ZGPAT: variants seen among roughly 807,000 people sequenced by gnomAD.
ZGPAT encodes the protein zinc finger CCCH-type with G patch domain-containing protein.
A neutral mutation model predicts 47.9 loss-of-function variants in ZGPAT; 39 were observed. The observed-to-expected ratio is 0.81, with a 90% confidence interval of 0.63 to 1.06. The LOEUF is 1.06. ZGPAT is among the 50% of genes least tolerant of loss of function. The pLI is 0.00. For synonymous variants in ZGPAT, 348 were observed against 292.9 expected (o/e 1.19, Z -1.92); for missense variants, 717 against 681.4 (o/e 1.05, Z -0.58).
chr20:63,711,410 G>A (rs2091666484), intron 2 of ZGPAT, among the ~76,000 whole-genome samples: 1 of 152,160 alleles, frequency 6.6e-6, no homozygotes, highest in Non-Finnish European at 1.5e-5. Context: ...AGGAGTAGAA[G>A]AACTGAGTGG....
intron 2 of ZGPAT, among the ~76,000 whole-genome samples, chr20:63,729,415 T>G (rs1183980774): frequency 2.0e-5 from 3 of 152,226 alleles, no homozygotes; most frequent in Non-Finnish European, 2.9e-5. Flanking sequence ...GTTTTCAGGG[T>G]TAAGTCTTTA....
At position 63,716,122 on chromosome 20, in the gene ZGPAT, C is replaced by G. The variant is rs571377911; in HGVS notation, c.584+6958C>G. On this transcript the variant is annotated intron_variant, in intron 2 of 6. Coordinates refer to ENST00000355969, the MANE Select transcript of ZGPAT (RefSeq NM_181485.3). ...TTGGCTCACTGCAACTTCTACCTCC[C>G]GAGTTCAAGTGATTCTCCCACCTCA... 1.8e-4 allele frequency among the ~76,000 whole-genome samples: 27 copies of G among 152,160 alleles called. No homozygotes were observed. In the East Asian group the frequency reaches 5.0e-3, roughly 28 times the overall value.
rs987878223 is a variant in ZGPAT at position 63,735,182 on chromosome 20, C to G, written c.1015C>G (p.Arg339Gly). 5 of 1,524,816 alleles carry G rather than the reference C, an allele frequency of 3.3e-6. No individual in the cohort carries two copies. Among genetic ancestry groups the G allele is most frequent in the Non-Finnish European group, 4.4e-6 (5 of 1,136,348 alleles). The allele number at this position is 1,524,816 out of a possible 1,614,324, so 94.5% of individuals were successfully genotyped here. Residue 339 changes from arginine to glycine, a missense_variant, in exon 6 of 7, where the codon CGG becomes GGG. Coordinates refer to ENST00000355969, the MANE Select transcript of ZGPAT (RefSeq NM_181485.3). ...GKGLGRHAEG[R>G]VEPIHAVVLP... ...AGGTTTGGGCCGACACGCGGAAGGC[C>G]GGGTGGAGCCCATCCATGCTGTGGT...
chr20:63,708,893 C>G lies in ZGPAT; in HGVS notation c.313C>G (p.Pro105Ala), dbSNP rs766969464. Reference protein sequence around the residue: ...AARGSGSETVPKAEAGPESAA... With the variant: ...AARGSGSETVAKAEAGPESAA... ...CCGTGGGTCCGGATCAGAGACCGTT[C>G]CTAAAGCAGAGGCGGGGCCAGAATC... is the stretch of plus-strand genomic sequence containing the variant. The change falls in exon 2 of 7, where the codon CCT (proline) becomes GCT (alanine). Residue 105 changes from proline to alanine, a missense_variant. Coordinates refer to ENST00000355969, the MANE Select transcript of ZGPAT (RefSeq NM_181485.3). The G allele has an allele frequency of 6.2e-7, 1 of 1,612,362 alleles. No homozygotes were observed. The highest frequency in any genetic ancestry group is 8.5e-7 in the Non-Finnish European group (1 of 1,179,566).
chr20:63,714,838 C>T (rs1021807992), intron 2 of ZGPAT, among the ~76,000 whole-genome samples: 1 of 151,740 alleles, frequency 6.6e-6, no homozygotes, highest in Non-Finnish European at 1.5e-5. Context: ...GAGGTAGGGT[C>T]CTGCTTTGCT....
chr20:63,726,204 A>AT (rs35108552), intron 2 of ZGPAT, among the ~76,000 whole-genome samples: 2,631 of 146,020 alleles, frequency 0.018, 91 homozygotes, highest in African/African-American at 0.057. Context: ...CATCTAATTA[A>AT]TTTTTTTTTT....
chr20:63,710,159 CTT>C (rs917583273), intron 2 of ZGPAT, among the ~76,000 whole-genome samples: 1 of 138,370 alleles, frequency 7.2e-6, no homozygotes, highest in African/African-American at 2.7e-5. Flanking sequence ...CGCGCCTGGC[CTT>C]TTTTTTTTGG....
intron 2 of ZGPAT, among the ~76,000 whole-genome samples, chr20:63,732,379 C>T (rs941257837): frequency 4.4e-5 from 6 of 137,818 alleles, no homozygotes; most frequent in African/African-American, 8.5e-5. Flanking sequence ...TGTGTGTGCG[C>T]GCATGTGTGT....
chr20:63,728,654 G>A (rs796822264), intron 2 of ZGPAT, among the ~76,000 whole-genome samples: 24 of 152,336 alleles, frequency 1.6e-4, no homozygotes, highest in African/African-American at 5.8e-4. Flanking sequence ...CTGGCCCAGT[G>A]CTCACTCCAG....
intron 2 of ZGPAT, among the ~76,000 whole-genome samples, chr20:63,731,799 G>A (rs1292993843): frequency 6.6e-6 from 1 of 152,148 alleles, no homozygotes; most frequent in Non-Finnish European, 1.5e-5. Context: ...AACCAATCTC[G>A]AGTTGAAAAT....
rs966648807 is a variant in ZGPAT at position 63,713,526 on chromosome 20, C to T, written c.584+4362C>T. ...GATTACAGATGTGAGCCACTGTGCC[C>T]GGCTGGAGTTGTTTTCCTTAGTTAC... On this transcript the variant is annotated intron_variant, in intron 2 of 6. Coordinates refer to ENST00000355969, the MANE Select transcript of ZGPAT (RefSeq NM_181485.3). 7.3e-5 allele frequency among the ~76,000 whole-genome samples: 11 copies of T among 151,192 alleles called. No individual in the cohort carries two copies. In the East Asian group the frequency reaches 9.9e-4, roughly 14 times the overall value.
chr20:63,729,034 CTT>C (rs1054928363), intron 2 of ZGPAT, among the ~76,000 whole-genome samples: 20 of 139,470 alleles, frequency 1.4e-4, no homozygotes, highest in Non-Finnish European at 9.4e-5. Context: ...TTCTTTTTTT[CTT>C]TTTTTTTTTT....
At position 63,733,323 on chromosome 20, in the gene ZGPAT, A is replaced by G. The variant is rs770583665; in HGVS notation, c.689A>G (p.Asp230Gly). 3 of 1,612,874 alleles carry G rather than the reference A, an allele frequency of 1.9e-6. No homozygotes were observed. The highest frequency in any genetic ancestry group is 1.3e-5 in the African/African-American group (1 of 74,892). ...TCTGCGTGTCTGGCCAAGCACCAGG[A>G]TGGCCTCTGGCACGCAGCACGCATC... is the stretch of plus-strand genomic sequence containing the variant. ...AGSACLAKHQ[D>G]GLWHAARITD... The change falls in exon 3 of 7, where the codon GAT becomes GGT. Residue 230 changes from aspartate (D) to glycine (G), a missense_variant. Asp to Gly is a moderately conservative substitution (Grantham distance 94). Transcript: ENST00000355969.
In ZGPAT at chr20:63,708,620, C is replaced by G. The variant is rs769739125; in HGVS notation, c.40C>G (p.Arg14Gly). ...ESLESALQTY[R>G]AQLQQVELAL... The stretch of plus-strand genomic sequence containing the variant: ...CCTGGAGTCGGCCTTGCAGACCTAC[C>G]GTGCGCAGCTGCAGCAGGTGGAGCT... Residue 14 changes from arginine to glycine, a missense_variant, in exon 2 of 7, where the codon CGT becomes GGT. Physicochemically the swap from Arg to Gly is moderately radical, Grantham distance 125 (BLOSUM62 -2). Transcript: ENST00000355969. The G allele has an allele frequency of 3.7e-6, 6 of 1,610,770 alleles. No individual in the cohort carries two copies. The highest frequency in any genetic ancestry group is 5.1e-6 in the Non-Finnish European group (6 of 1,178,694).
chr20:63,722,122 TAG>T (rs1467600545), intron 2 of ZGPAT, among the ~76,000 whole-genome samples: 1 of 151,902 alleles, frequency 6.6e-6, no homozygotes, highest in African/African-American at 2.4e-5. Flanking sequence ...AGGGAGACAC[TAG>T]AAAGATCCAA....
Position 63,734,685 on chromosome 20 carries a change from C to G in ZGPAT, c.872-20C>G. On this transcript the variant is annotated intron_variant, in intron 4 of 6. Transcript: ENST00000355969. ...CCGTGGACTCTGCACAGTCCTCTGC[C>G]CTCTGTCCGTCTCTTGCAGTGGTGG... 6.2e-7 allele frequency: 1 copy of G among 1,612,762 alleles called. No individual in the cohort carries two copies. Among genetic ancestry groups the G allele is most frequent in the East Asian group, 2.2e-5 (1 of 44,860 alleles).
chr20:63,730,726 C>G (rs1421547753), intron 2 of ZGPAT, among the ~76,000 whole-genome samples: 1 of 152,182 alleles, frequency 6.6e-6, no homozygotes, highest in Non-Finnish European at 1.5e-5. Flanking sequence ...TCGTGATCCA[C>G]CCGTCTCGGC....
intron 2 of ZGPAT, among the ~76,000 whole-genome samples, chr20:63,715,699 G>A (rs1448995317): frequency 1.3e-5 from 2 of 152,134 alleles, no homozygotes; most frequent in African/African-American, 2.4e-5. Flanking sequence ...TTTGATGCCA[G>A]CATAATATTG....
chr20:63,735,673 G>A, intron 6 of ZGPAT, 108 bp from the exon 7 acceptor site: 2 of 1,522,598 alleles, frequency 1.3e-6, no homozygotes, highest in South Asian at 1.2e-5. Flanking sequence ...GTCCAGGAGG[G>A]GTCTGCATGT....
Sources: allele counts gnomAD v4.1 joint callset (sites outside exome capture counted in the v4.1 genomes callset), GRCh38; gene constraint gnomAD v4.1.1; transcripts MANE v1.5; gene names NCBI Gene and HGNC (gene_info 2026-07-23, HGNC 2026-07-21).